Variants in ANXA5 observed in about 807,000 individuals in gnomAD.
The protein encoded by ANXA5 is CBP-I.
Under a neutral mutation model 48.1 loss-of-function variants are expected in ANXA5, and 40 were observed. The observed-to-expected ratio is 0.83, with a 90% CI of 0.65 to 1.08. ANXA5 has a LOEUF of 1.08. ANXA5 is among the 50% of genes least tolerant of loss of function. The pLI, the probability that ANXA5 is intolerant of heterozygous loss-of-function variation, is 0.00. For synonymous variants in ANXA5, 113 were observed against 129.1 expected, an observed-to-expected ratio of 0.88 and a Z score of 0.85; for missense variants, 357 against 376.8, an observed-to-expected ratio of 0.95 and a Z score of 0.44.
intron 5 of ANXA5, among the ~76,000 whole-genome samples, chr4:121,683,030 T>C (rs963237259): frequency 1.3e-5 from 2 of 152,112 alleles, no homozygotes; most frequent in Admixed American, 6.5e-5. Flanking sequence ...CAGGCAATTT[T>C]CTACTGAAAA....
chr4:121,696,715 G>C, intron 1 of ANXA5, 91 bp from the exon 2 acceptor site: 1 of 888,192 alleles, frequency 1.1e-6, no homozygotes, highest in Non-Finnish European at 1.5e-6. Flanking sequence ...GCGGCGCTCA[G>C]ACAGCCCGGA....
intron 4 of ANXA5, among the ~76,000 whole-genome samples, chr4:121,683,768 A>C (rs555461111): frequency 1.3e-5 from 2 of 152,334 alleles, no homozygotes; most frequent in East Asian, 3.9e-4. Context: ...ACTATTTTAT[A>C]AAAATACTAT....
chr4:121,693,252 C>A lies in ANXA5; in HGVS notation c.9+3329G>T, dbSNP rs10008778. Among the ~76,000 whole-genome samples the A allele has an allele frequency of 9.9e-4, 149 of 150,696 alleles. 1 individual carries two copies. Among genetic ancestry groups the A allele is most frequent in the African/African-American group, 3.0e-3 (123 of 41,102 alleles). The stretch of plus-strand genomic sequence containing the variant: ...CCATCTCGGGGGAGAAAAAAAAAAA[C>A]CCAAAAAACTAGTGTCCAAAGAAAT... On this transcript the variant is annotated intron_variant, in intron 2 of 12. Transcript: ENST00000296511.
chr4:121,680,193 C>T (rs911683058), intron 6 of ANXA5, among the ~76,000 whole-genome samples: 4 of 152,090 alleles, frequency 2.6e-5, no homozygotes, highest in African/African-American at 9.7e-5. Flanking sequence ...TTATGTCCTC[C>T]ACGTTTATCC....
chr4:121,695,385 A>G (rs1725061941), intron 2 of ANXA5, among the ~76,000 whole-genome samples: 1 of 152,240 alleles, frequency 6.6e-6, no homozygotes, highest in African/African-American at 2.4e-5. Flanking sequence ...TTCAATTTTG[A>G]TAAGTCAATC....
Position 121,669,909 on chromosome 4 carries a change from A to T in ANXA5, c.780+45T>A, listed in dbSNP as rs140435209. Reference sequence around the variant, plus strand: ...TAAACAAAAGTGAAGAATAATAATTAGAAAGAGAAATGTATTAGATAGAAG... The same window carrying T: ...TAAACAAAAGTGAAGAATAATAATTTGAAAGAGAAATGTATTAGATAGAAG... On this transcript the variant is annotated intron_variant, in intron 11 of 12. Coordinates refer to ENST00000296511, the MANE Select transcript of ANXA5 (RefSeq NM_001154.4). 12 of 1,494,136 alleles carry T rather than the reference A, an allele frequency of 8.0e-6. No individual in the cohort carries two copies. The East Asian group carries it at 2.5e-4, about 31-fold the overall frequency. The allele number at this position is 1,494,136 out of a possible 1,614,324, so 92.6% of individuals were successfully genotyped here. A position where few individuals can be genotyped will look rare whatever the true frequency, so the allele number is the denominator to read the frequency against.
At chr4:121,673,256 A>G (rs1387284925) in intron 8 of ANXA5, among the ~76,000 whole-genome samples, 2 of 152,154 alleles carry the variant, frequency 1.3e-5, no homozygotes, top group Admixed American at 6.5e-5. Context: ...TGACATGGGG[A>G]AAAAATATGC....
chr4:121,688,513 A>G (rs367557145), intron 2 of ANXA5, among the ~76,000 whole-genome samples: 13 of 152,260 alleles, frequency 8.5e-5, no homozygotes, highest in East Asian at 3.9e-4. Context: ...CCCTGTGATA[A>G]CAGTCATGAC....
In ANXA5 at chr4:121,668,209, T is replaced by TAA; in HGVS notation, c.*258_*259insTT. The TAA allele has an allele frequency of 3.2e-6, 1 of 313,200 alleles. No homozygotes were observed. The highest frequency in any genetic ancestry group is 5.8e-6 in the Non-Finnish European group (1 of 171,712). 19.4% of individuals were successfully genotyped at this position (313,200 alleles called of 1,614,324 possible). ...AAGCACTCTAGCCTCTTAAAAAATA[T>TAA]ATATAAATGGAAAATGGCCAGGCAT... is the stretch of plus-strand genomic sequence containing the variant. On this transcript the variant is annotated 3_prime_UTR_variant, in exon 13 of 13. Coordinates refer to ENST00000296511, the MANE Select transcript of ANXA5 (RefSeq NM_001154.4).
chr4:121,677,307 T>TTCCTTTCCTATATTTTAATAAC (rs1278214863), intron 8 of ANXA5, among the ~76,000 whole-genome samples: 1 of 152,192 alleles, frequency 6.6e-6, no homozygotes, highest in East Asian at 1.9e-4. Flanking sequence ...TGTTTCAAAT[T>TTCCTTTCCTATATTTTAATAAC]TCCTTTCCTA....
At chr4:121,677,862 T>C in intron 8 of ANXA5, 32 bp downstream of exon 8, 1 of 1,564,310 alleles carries the variant, frequency 6.4e-7, no homozygotes, top group Non-Finnish European at 8.8e-7. Context: ...TTCTACAGCA[T>C]AATAAAGTCA....
rs200076201 is a variant in ANXA5 at position 121,678,483 on chromosome 4, T to C, written c.406A>G (p.Ser136Gly). The C allele has an allele frequency of 1.3e-5, 21 of 1,613,366 alleles. No homozygotes were observed. The highest frequency in any genetic ancestry group is 1.6e-5 in the Non-Finnish European group (19 of 1,179,696). The change falls in exon 7 of 13, where the codon AGC (serine) becomes GGC (glycine). Residue 136 changes from serine to glycine, a missense_variant. Coordinates refer to ENST00000296511, the MANE Select transcript of ANXA5 (RefSeq NM_001154.4). The stretch of plus-strand genomic sequence containing the variant: ...TCCCCCACCACGTCATCTTCCAGGC[T>C]TGAGCCATATTCTGCAACAAAATAA... ...KQVYEEEYGS[S>G]LEDDVVGDTS...
At chr4:121,672,397 G>A (rs1724627607) in intron 9 of ANXA5, 136 bp downstream of exon 9, 1 of 623,468 alleles carries the variant, frequency 1.6e-6, no homozygotes, top group Non-Finnish European at 2.8e-6. Flanking sequence ...GATTTCTCCA[G>A]GTCACCAAAA....
At chr4:121,669,465 T>C (rs1724575085) in intron 12 of ANXA5, 137 bp downstream of exon 12, 12 of 1,077,942 alleles carry the variant, frequency 1.1e-5, no homozygotes, top group Non-Finnish European at 1.5e-5. Context: ...ATGCTAAGCT[T>C]TTTAACTCAT....
At chr4:121,687,487 C>G (rs1306239993) in intron 2 of ANXA5, among the ~76,000 whole-genome samples, 4 of 152,090 alleles carry the variant, frequency 2.6e-5, no homozygotes, top group Non-Finnish European at 5.9e-5. Context: ...AAACAAACAG[C>G]TAAAAGGACT....
rs540213910 is a variant in ANXA5 at position 121,696,577 on chromosome 4, T to A, written c.9+4A>T. ...CCAGCGCAGTGGGGGGCGCACGGCC[T>A]TACCTGTGCCATGGCGACTACTCAG... On this transcript the variant is annotated splice_donor_region_variant and intron_variant, in intron 2 of 12. Coordinates refer to ENST00000296511, the MANE Select transcript of ANXA5 (RefSeq NM_001154.4). The A allele has an allele frequency of 1.4e-6, 2 of 1,424,396 alleles. No individual in the cohort carries two copies. Among genetic ancestry groups the A allele is most frequent in the South Asian group, 3.4e-5 (2 of 59,250 alleles). The allele number at this position is 1,424,396 out of a possible 1,614,324, so 88.2% of individuals were successfully genotyped here. A position where few individuals can be genotyped will look rare whatever the true frequency, so the allele number is the denominator to read the frequency against.
At chr4:121,668,602 A>G (rs1724560368) in intron 12 of ANXA5, 75 bp from the exon 13 acceptor site, 1 of 1,267,156 alleles carries the variant, frequency 7.9e-7, no homozygotes, top group Admixed American at 1.7e-5. Flanking sequence ...AATAACTGGC[A>G]ACAAATTTTA....
chr4:121,668,505 T>C lies in ANXA5; in HGVS notation c.926A>G (p.Lys309Arg). Residue 309 changes from lysine to arginine, a missense_variant, in exon 13 of 13, where the codon AAG becomes AGG. Physicochemically the swap from Lys to Arg is conservative, Grantham distance 26. Coordinates refer to ENST00000296511, the MANE Select transcript of ANXA5 (RefSeq NM_001154.4). ...MIKGDTSGDY[K>R]KALLLLCGED... ...TCCACAGAGCAGCAGAAGAGCTTTC[T>C]TATAGTCCCCAGATGTATCTCCCTG... is the stretch of plus-strand genomic sequence containing the variant. 6.2e-7 allele frequency: 1 copy of C among 1,613,488 alleles called. No individual in the cohort carries two copies. The highest frequency in any genetic ancestry group is 1.3e-5 in the African/African-American group (1 of 74,974).
intron 5 of ANXA5, among the ~76,000 whole-genome samples, chr4:121,683,154 T>C (rs1724820293): frequency 6.6e-6 from 1 of 152,106 alleles, no homozygotes; most frequent in Admixed American, 6.5e-5. Flanking sequence ...AGCCCAGTAT[T>C]ATTGAGTTTA....
Sources: gnomAD v4.1 joint callset for allele counts (sites outside exome capture counted in the v4.1 genomes callset) on GRCh38, gnomAD v4.1.1 for gene constraint, MANE v1.5 for transcripts, NCBI Gene and HGNC (gene_info 2026-07-23, HGNC 2026-07-21) for gene names.